PTPRD: variants seen among roughly 807,000 people sequenced by gnomAD.
PTPRD encodes the protein protein tyrosine phosphatase receptor type D, also known as receptor-type tyrosine-protein phosphatase delta.
In PTPRD, 34 loss-of-function variants were observed where a neutral mutation model predicts 214.5. The ratio of observed to expected loss-of-function variants is 0.16; its 90% CI spans 0.12 to 0.21. The LOEUF is 0.21. Ranked by LOEUF, PTPRD falls within the 10% of genes least tolerant of loss-of-function variation. The pLI is 1.00. For missense variants in PTPRD, 2,545 were observed against 2,398.7 expected, an observed-to-expected ratio of 1.06 and a Z score of -1.27; for synonymous variants, 1,128 against 845.7, an observed-to-expected ratio of 1.33 and a Z score of -5.79.
At chr9:10,452,023 T>G (rs2098844828) in intron 2 of PTPRD, among the ~76,000 whole-genome samples, 1 of 152,020 alleles carries the variant, frequency 6.6e-6, no homozygotes, top group Non-Finnish European at 1.5e-5. Flanking sequence ...AAAAATTCCT[T>G]ACACTTCTTA....
chr9:9,075,609 G>A (rs966869528), intron 10 of PTPRD, among the ~76,000 whole-genome samples: 1 of 151,924 alleles, frequency 6.6e-6, no homozygotes, highest in African/African-American at 2.4e-5. Context: ...CCCACTCTGT[G>A]TCCAAGTGTT....
intron 7 of PTPRD, among the ~76,000 whole-genome samples, chr9:9,593,383 T>C (rs549181842): frequency 3.9e-5 from 6 of 152,094 alleles, no homozygotes; most frequent in South Asian, 2.1e-4. Context: ...GTATATGCTA[T>C]ATTTATATCT....
intron 11 of PTPRD, among the ~76,000 whole-genome samples, chr9:8,916,548 A>AG (rs2098787525): frequency 6.6e-6 from 1 of 152,154 alleles, no homozygotes; most frequent in Non-Finnish European, 1.5e-5. Flanking sequence ...GAGGCCTTTT[A>AG]GAAAAGTTTG....
chr9:9,832,669 A>G (rs998723835), intron 5 of PTPRD, among the ~76,000 whole-genome samples: 1 of 152,022 alleles, frequency 6.6e-6, no homozygotes, highest in Non-Finnish European at 1.5e-5. Flanking sequence ...AGCTTTTAAA[A>G]AGAGTTTTTA....
intron 2 of PTPRD, among the ~76,000 whole-genome samples, chr9:10,595,335 A>T (rs1352640554): frequency 6.6e-6 from 1 of 151,930 alleles, no homozygotes; most frequent in African/African-American, 2.4e-5. Flanking sequence ...GGCAATTTAC[A>T]ACTAATTGAA....
intron 2 of PTPRD, among the ~76,000 whole-genome samples, chr9:10,552,853 GA>G (rs893564638): frequency 2.6e-5 from 4 of 152,046 alleles, no homozygotes; most frequent in African/African-American, 9.7e-5. Flanking sequence ...TCTCTGTATG[GA>G]AAAAAGGAAA....
intron 12 of PTPRD, among the ~76,000 whole-genome samples, chr9:8,640,404 G>T (rs12686852): frequency 3.3e-5 from 5 of 151,752 alleles, no homozygotes; most frequent in Middle Eastern, 3.2e-3. Flanking sequence ...TGCTACTGTA[G>T]GATTTTATTT....
At chr9:8,436,500 A>G in intron 35 of PTPRD, 92 bp downstream of exon 35, 2 of 935,184 alleles carry the variant, frequency 2.1e-6, no homozygotes, top group South Asian at 3.1e-5. Context: ...TTAAAGGGAA[A>G]AGCACTGATG....
chr9:9,048,860 A>G (rs552401360), intron 10 of PTPRD, among the ~76,000 whole-genome samples: 1 of 152,106 alleles, frequency 6.6e-6, no homozygotes, highest in African/African-American at 2.4e-5. Flanking sequence ...GGGTATAGAT[A>G]CCCCATTTTC....
intron 2 of PTPRD, among the ~76,000 whole-genome samples, chr9:10,608,537 C>T (rs190866909): frequency 6.6e-6 from 1 of 152,234 alleles, no homozygotes; most frequent in African/African-American, 2.4e-5. Context: ...GATTCTCAAA[C>T]TGCCACAGTA....
intron 2 of PTPRD, among the ~76,000 whole-genome samples, chr9:10,581,627 G>T (rs939582361): frequency 1.3e-5 from 2 of 152,144 alleles, no homozygotes; most frequent in Non-Finnish European, 2.9e-5. Flanking sequence ...ACTTAGCAGG[G>T]TTTGTGTATT....
intron 3 of PTPRD, among the ~76,000 whole-genome samples, chr9:10,323,055 T>C (rs1597097445): frequency 6.6e-6 from 1 of 152,072 alleles, no homozygotes; most frequent in Non-Finnish European, 1.5e-5. Context: ...CTATTGCTTC[T>C]ACTTCTAAAC....
chr9:8,856,496 G>A (rs1416047382), intron 11 of PTPRD, among the ~76,000 whole-genome samples: 3 of 152,126 alleles, frequency 2.0e-5, no homozygotes, highest in African/African-American at 4.8e-5. Context: ...AACTGTGTGA[G>A]CTACACTCTG....
At chr9:9,998,129 A>AATATATATAT (rs1555449231) in intron 4 of PTPRD, among the ~76,000 whole-genome samples, 88 of 91,414 alleles carry the variant, frequency 9.6e-4, no homozygotes, top group Middle Eastern at 6.2e-3. Context: ...AAAAAAAAAA[A>AATATATATAT]ATATATATAT....
At chr9:10,411,156 T>A (rs1339847168) in intron 2 of PTPRD, among the ~76,000 whole-genome samples, 1 of 151,784 alleles carries the variant, frequency 6.6e-6, no homozygotes, top group East Asian at 1.9e-4. Flanking sequence ...AGAATTTGAA[T>A]GATGTAAAAT....
intron 5 of PTPRD, among the ~76,000 whole-genome samples, chr9:9,921,600 GA>G (rs1267561471): frequency 1.3e-5 from 2 of 149,110 alleles, no homozygotes; most frequent in South Asian, 2.1e-4. Context: ...CTGCTCAGGG[GA>G]AAAAAATGGC....
At chr9:8,830,218 G>C (rs908952961) in intron 11 of PTPRD, among the ~76,000 whole-genome samples, 1 of 152,108 alleles carries the variant, frequency 6.6e-6, no homozygotes, top group African/African-American at 2.4e-5. Flanking sequence ...TACAAGGGGA[G>C]AGCCTGAGGT....
At chr9:9,358,142 G>A (rs1246300821) in intron 9 of PTPRD, among the ~76,000 whole-genome samples, 1 of 151,178 alleles carries the variant, frequency 6.6e-6, no homozygotes, top group Non-Finnish European at 1.5e-5. Context: ...TTTTGAAACA[G>A]CATATTCTCC....
chr9:10,041,431 G>C (rs1230200811), intron 3 of PTPRD, among the ~76,000 whole-genome samples: 2 of 151,888 alleles, frequency 1.3e-5, no homozygotes, highest in African/African-American at 4.8e-5. Flanking sequence ...TTCTGAGTAG[G>C]TCAATAACCC....
Sources: gnomAD v4.1 joint callset for allele counts (sites outside exome capture counted in the v4.1 genomes callset) on GRCh38, gnomAD v4.1.1 for gene constraint, MANE v1.5 for transcripts, NCBI Gene and HGNC (gene_info 2026-07-23, HGNC 2026-07-21) for gene names.